Variants in NSMAF observed in about 807,000 individuals in gnomAD.
The protein encoded by NSMAF is neutral sphingomyelinase activation associated factor.
Under a neutral mutation model 134.9 loss-of-function variants are expected in NSMAF, and 90 were observed. The observed-to-expected ratio is 0.67, with a 90% CI of 0.56 to 0.79. NSMAF has a LOEUF of 0.79. Among genes scored for constraint, NSMAF ranks in the 30% least tolerant of loss-of-function variants. The pLI, the probability that NSMAF is intolerant of heterozygous loss-of-function variation, is 0.00. For synonymous variants in NSMAF, 358 were observed against 389.6 expected (o/e 0.92, Z 0.96); for missense variants, 1,010 against 1,119.0 (o/e 0.90, Z 1.39).
chr8:58,621,178 T>C (rs1806780173), intron 9 of NSMAF, among the ~76,000 whole-genome samples: 1 of 152,182 alleles, frequency 6.6e-6, no homozygotes, highest in Admixed American at 6.5e-5. Context: ...CAGTTCCTAC[T>C]TATAAGTGAG....
intron 9 of NSMAF, among the ~76,000 whole-genome samples, chr8:58,620,586 T>C (rs1372680936): frequency 6.6e-6 from 1 of 152,208 alleles, no homozygotes; most frequent in Non-Finnish European, 1.5e-5. Flanking sequence ...ATCCAGGGAA[T>C]TTTAAGGTGT....
chr8:58,584,888 A>C (rs1296018083), intron 30 of NSMAF, among the ~76,000 whole-genome samples: 1 of 152,184 alleles, frequency 6.6e-6, no homozygotes, highest in Non-Finnish European at 1.5e-5. Flanking sequence ...CTGGCTTCCC[A>C]AAGTGCTGGC....
Position 58,625,541 on chromosome 8 carries a change from C to T in NSMAF, c.385-1761G>A, listed in dbSNP as rs544892236. On this transcript the variant is annotated intron_variant, in intron 6 of 30. Coordinates refer to ENST00000038176, the MANE Select transcript of NSMAF (RefSeq NM_003580.4). The stretch of plus-strand genomic sequence containing the variant: ...TGACCCTTTTATCATTACATAATAT[C>T]CTTCGTCTCTTGTGAAAGTTTTTTA... 9.9e-5 allele frequency among the ~76,000 whole-genome samples: 15 copies of T among 152,098 alleles called. No individual in the cohort carries two copies. The South Asian group carries it at 2.7e-3, about 27-fold the overall frequency.
At chr8:58,625,394 A>ATATATATGTATGTATGTATGTATGTATG (rs145506455) in intron 6 of NSMAF, among the ~76,000 whole-genome samples, 1,993 of 151,616 alleles carry the variant, frequency 0.013, 30 homozygotes, top group East Asian at 0.054. Flanking sequence ...ATGTATATGC[A>ATATATATGTATGTATGTATGTATGTATG]TATGTATGTA....
chr8:58,656,858 T>C (rs1807726530), intron 1 of NSMAF, among the ~76,000 whole-genome samples: 1 of 152,074 alleles, frequency 6.6e-6, no homozygotes, highest in Non-Finnish European at 1.5e-5. Flanking sequence ...AAAATTAGTA[T>C]AAGTATATAC....
chr8:58,629,904 C>T (rs2129145342), intron 6 of NSMAF, among the ~76,000 whole-genome samples: 1 of 152,184 alleles, frequency 6.6e-6, no homozygotes, highest in East Asian at 1.9e-4. Context: ...ACCCAGCTCT[C>T]TTTTGTTATC....
intron 1 of NSMAF, 58 bp downstream of exon 1, chr8:58,659,515 C>A: frequency 6.6e-7 from 1 of 1,510,652 alleles, no homozygotes; most frequent in South Asian, 1.2e-5. Flanking sequence ...CGGCCGGCGT[C>A]CCCACGACCG....
chr8:58,611,330 C>A, intron 9 of NSMAF, among the ~76,000 whole-genome samples: 1 of 152,000 alleles, frequency 6.6e-6, no homozygotes, highest in East Asian at 1.9e-4. Flanking sequence ...TCACTTAAGC[C>A]CAAGAGTTTG....
rs898920658 is a variant in NSMAF at position 58,603,779 on chromosome 8, T to C, written c.869-393A>G. Among the ~76,000 whole-genome samples the C allele has an allele frequency of 2.6e-5, 4 of 152,358 alleles. No individual in the cohort carries two copies. The South Asian group carries it at 6.2e-4, about 24-fold the overall frequency. ...CATCTGGGAAAGCTTATTTCTTTTA[T>C]TATTTATGAAATTAAAGCAATCTTT... On this transcript the variant is annotated intron_variant, in intron 12 of 30. Coordinates refer to ENST00000038176, the MANE Select transcript of NSMAF (RefSeq NM_003580.4).
At position 58,655,329 on chromosome 8, in the gene NSMAF, G is replaced by A. The variant is rs150898090; in HGVS notation, c.59+4244C>T. ...AGCTGTCATCCCAACACTCCACGGTGGATAGTAAAGCAAAAAAATTTAACA... is the reference window on the plus strand; with the variant it reads ...AGCTGTCATCCCAACACTCCACGGTAGATAGTAAAGCAAAAAAATTTAACA... On this transcript the variant is annotated intron_variant, in intron 1 of 30. Coordinates refer to ENST00000038176, the MANE Select transcript of NSMAF (RefSeq NM_003580.4). 4.6e-3 allele frequency among the ~76,000 whole-genome samples: 703 copies of A among 151,884 alleles called. 7 individuals carry two copies. Among genetic ancestry groups the A allele is most frequent in the African/African-American group, 0.016 (662 of 41,386 alleles).
At position 58,589,414 on chromosome 8, in the gene NSMAF, A is replaced by G. The variant is rs201692211; in HGVS notation, c.2211+38T>C. 472 of 1,416,186 alleles carry G rather than the reference A, an allele frequency of 3.3e-4. 1 individual carries two copies. In the African/African-American group the frequency reaches 6.3e-3, roughly 19 times the overall value. The allele number at this position is 1,416,186 out of a possible 1,614,324, so 87.7% of individuals were successfully genotyped here. ...AAAAATTATACATATGCCATATAGC[A>G]CACCAAGTTAAAAAAACTTTTTAAA... is the stretch of plus-strand genomic sequence containing the variant. On this transcript the variant is annotated intron_variant, in intron 26 of 30. Transcript: ENST00000038176.
intron 1 of NSMAF, among the ~76,000 whole-genome samples, chr8:58,650,265 T>C (rs1371825903): frequency 1.3e-5 from 2 of 152,214 alleles, no homozygotes; most frequent in Middle Eastern, 3.2e-3. Flanking sequence ...AGGGCAACTT[T>C]GGAAGTTTTT....
intron 1 of NSMAF, among the ~76,000 whole-genome samples, chr8:58,658,306 TA>T (rs1195016337): frequency 6.6e-6 from 1 of 152,228 alleles, no homozygotes; most frequent in Non-Finnish European, 1.5e-5. Flanking sequence ...AGTTATTTAA[TA>T]AACAACCCTT....
intron 6 of NSMAF, among the ~76,000 whole-genome samples, chr8:58,628,723 G>T (rs1014929353): frequency 6.6e-6 from 1 of 151,930 alleles, no homozygotes; most frequent in African/African-American, 2.4e-5. Flanking sequence ...CAGATCTAAT[G>T]GTGGTAAACT....
chr8:58,649,033 G>C (rs909944078), intron 1 of NSMAF, among the ~76,000 whole-genome samples: 3 of 152,232 alleles, frequency 2.0e-5, no homozygotes, highest in African/African-American at 7.2e-5. Flanking sequence ...ACCTCAGCAT[G>C]GAAAAGTTGC....
At chr8:58,630,846 T>C (rs910748727) in intron 6 of NSMAF, among the ~76,000 whole-genome samples, 7 of 152,218 alleles carry the variant, frequency 4.6e-5, no homozygotes, top group African/African-American at 1.7e-4. Flanking sequence ...TGTGGGACTA[T>C]GTTTGCCCAC....
chr8:58,600,123 T>G, intron 16 of NSMAF, 102 bp from the exon 17 acceptor site: 1 of 818,754 alleles, frequency 1.2e-6, no homozygotes, highest in Non-Finnish European at 2.0e-6. Context: ...CTGTATTAAC[T>G]TCTGTTTGTC....
rs768409807 is a variant in NSMAF at position 58,601,363 on chromosome 8, G to C, written c.1217-15C>G. ...ATACTCTGGTGCTAGAGGGGAAAAA[G>C]TCAGAGGTAAGTCAGGTCACAGAAT... On this transcript the variant is annotated splice_polypyrimidine_tract_variant and intron_variant, in intron 15 of 30. Coordinates refer to ENST00000038176, the MANE Select transcript of NSMAF (RefSeq NM_003580.4). 17 of 1,613,504 alleles carry C rather than the reference G, an allele frequency of 1.1e-5. No individual in the cohort carries two copies. Among genetic ancestry groups the C allele is most frequent in the Non-Finnish European group, 1.4e-5 (16 of 1,179,508 alleles).
At chr8:58,620,941 T>G (rs911306935) in intron 9 of NSMAF, among the ~76,000 whole-genome samples, 3 of 152,200 alleles carry the variant, frequency 2.0e-5, no homozygotes, top group African/African-American at 7.2e-5. Context: ...ACTTAATTTT[T>G]TTTATTATCT....
Sources: gnomAD v4.1 joint callset for allele counts (sites outside exome capture counted in the v4.1 genomes callset) on GRCh38, gnomAD v4.1.1 for gene constraint, MANE v1.5 for transcripts, NCBI Gene and HGNC (gene_info 2026-07-23, HGNC 2026-07-21) for gene names.